TSPAN9: variants seen among roughly 807,000 people sequenced by gnomAD.
The protein encoded by TSPAN9 is tetraspanin 9.
A neutral mutation model predicts 31.0 loss-of-function variants in TSPAN9; 16 were observed. That is an observed-to-expected ratio of 0.52 (90% CI 0.35 to 0.78). The LOEUF (loss-of-function observed/expected upper bound fraction) is 0.78, where lower values mean the gene tolerates loss of function less well. Among genes scored for constraint, TSPAN9 ranks in the 30% least tolerant of loss-of-function variants. The pLI, the probability that TSPAN9 is intolerant of heterozygous loss-of-function variation, is 0.01. For missense variants in TSPAN9, 272 were observed against 312.5 expected (o/e 0.87, Z 0.98); for synonymous variants, 145 against 121.6 (o/e 1.19, Z -1.27).
At chr12:3,091,988 T>G (rs10848795) in intron 2 of TSPAN9, among the ~76,000 whole-genome samples, 15,849 of 152,172 alleles carry the variant, frequency 0.1, 909 homozygotes, top group Middle Eastern at 0.14. Flanking sequence ...GCTCACAGGT[T>G]TTATATTAAT....
At chr12:3,136,773 C>T (rs907683907) in intron 2 of TSPAN9, among the ~76,000 whole-genome samples, 3 of 152,016 alleles carry the variant, frequency 2.0e-5, no homozygotes, top group Non-Finnish European at 4.4e-5. Context: ...AGAGAGTGTG[C>T]GAGAATGAGG....
Position 3,283,253 on chromosome 12 carries a change from T to C in TSPAN9, c.*137T>C. ...ACAGCCTGCCCTACCCCACCTACCC[T>C]GCCTCAGCCTCGGACTTCTCAGTGG... On this transcript the variant is annotated 3_prime_UTR_variant, in exon 9 of 9. Transcript: ENST00000011898. 1 of 843,594 alleles carries C rather than the reference T, an allele frequency of 1.2e-6. No homozygotes were observed. Among genetic ancestry groups the C allele is most frequent in the South Asian group, 1.9e-5 (1 of 51,768 alleles). The allele number at this position is 843,594 out of a possible 1,614,324, so 52.3% of individuals were successfully genotyped here. A position where few individuals can be genotyped will look rare whatever the true frequency, so the allele number is the denominator to read the frequency against.
At chr12:3,221,505 C>T (rs2098384581) in intron 3 of TSPAN9, among the ~76,000 whole-genome samples, 1 of 151,682 alleles carries the variant, frequency 6.6e-6, no homozygotes, top group South Asian at 2.1e-4. Context: ...ATTACAGGTG[C>T]ATGCCACCAA....
intron 2 of TSPAN9, among the ~76,000 whole-genome samples, chr12:3,142,589 C>T (rs1359188148): frequency 6.6e-6 from 1 of 152,170 alleles, no homozygotes. Flanking sequence ...CGAGGCTCAG[C>T]AAGCCGCCTG....
At chr12:3,097,716 T>C (rs1450248555) in intron 2 of TSPAN9, among the ~76,000 whole-genome samples, 2 of 152,232 alleles carry the variant, frequency 1.3e-5, no homozygotes, top group African/African-American at 4.8e-5. Context: ...TCCATGCCTC[T>C]GGGGGAGTTG....
At chr12:3,189,772 T>A (rs7970802) in intron 2 of TSPAN9, among the ~76,000 whole-genome samples, 149,703 of 152,216 alleles carry the variant, frequency 0.98, 73,674 homozygotes, top group Middle Eastern at 1. Context: ...GCCCCATAGC[T>A]ATGGGCCAGC....
At chr12:3,140,210 G>T (rs1208249826) in intron 2 of TSPAN9, among the ~76,000 whole-genome samples, 6 of 152,168 alleles carry the variant, frequency 3.9e-5, no homozygotes, top group Non-Finnish European at 8.8e-5. Flanking sequence ...TAATGCTGTA[G>T]CGGTTGACCT....
chr12:3,233,910 A>G (rs928264553), intron 3 of TSPAN9, among the ~76,000 whole-genome samples: 1 of 152,176 alleles, frequency 6.6e-6, no homozygotes, highest in Non-Finnish European at 1.5e-5. Context: ...AGGTCTCTGC[A>G]GGGAATATTT....
At chr12:3,109,225 C>G (rs138537745) in intron 2 of TSPAN9, among the ~76,000 whole-genome samples, 3 of 149,558 alleles carry the variant, frequency 2.0e-5, no homozygotes, top group Non-Finnish European at 3.0e-5. Flanking sequence ...TGTGAGCCAC[C>G]GCTCCTGGCC....
intron 2 of TSPAN9, among the ~76,000 whole-genome samples, chr12:3,102,262 T>C (rs1312448815): frequency 6.6e-6 from 1 of 152,078 alleles, no homozygotes; most frequent in African/African-American, 2.4e-5. Flanking sequence ...TAGCTGGGAC[T>C]GCAAGCTCAT....
At chr12:3,206,369 T>C (rs1419250318) in intron 3 of TSPAN9, 3 of 456,038 alleles carry the variant, frequency 6.6e-6, no homozygotes, top group South Asian at 4.6e-5. Context: ...CGGGAGGTCA[T>C]CTGGCTCGTC....
chr12:3,123,422 C>T (rs1023173682), intron 2 of TSPAN9, among the ~76,000 whole-genome samples: 11 of 152,140 alleles, frequency 7.2e-5, no homozygotes, highest in Non-Finnish European at 1.5e-4. Context: ...GCCCGCCTGC[C>T]GTCCCAAGCC....
chr12:3,226,936 G>A (rs762984092), intron 3 of TSPAN9, among the ~76,000 whole-genome samples: 5 of 149,896 alleles, frequency 3.3e-5, no homozygotes, highest in African/African-American at 4.9e-5. Context: ...CAAGAAGCCC[G>A]AAGGGTTTCC....
chr12:3,158,162 G>A (rs1412286056), intron 2 of TSPAN9, among the ~76,000 whole-genome samples: 2 of 152,166 alleles, frequency 1.3e-5, no homozygotes, highest in Admixed American at 1.3e-4. Context: ...GGAGCACAGG[G>A]CTTCCTGCTT....
At chr12:3,079,690 G>C (rs1306737693) in intron 1 of TSPAN9, among the ~76,000 whole-genome samples, 10 of 151,974 alleles carry the variant, frequency 6.6e-5, no homozygotes, top group African/African-American at 2.4e-4. Flanking sequence ...TCAAACTCCT[G>C]ACCTCAGGTG....
In TSPAN9 at chr12:3,109,227, C is replaced by T. The variant is rs574310929; in HGVS notation, c.-18+25508C>T. ...CTGGGATTACAGGTGTGAGCCACCG[C>T]TCCTGGCCAGGAGGAAGGATTCTTT... On this transcript the variant is annotated intron_variant, in intron 2 of 8. Coordinates refer to ENST00000011898, the MANE Select transcript of TSPAN9 (RefSeq NM_006675.5). Among the ~76,000 whole-genome samples the T allele has an allele frequency of 3.3e-3, 493 of 149,826 alleles. 5 individuals carry two copies. The highest frequency in any genetic ancestry group is 0.012 in the African/African-American group (465 of 40,418).
At chr12:3,183,107 G>A (rs565028724) in intron 2 of TSPAN9, among the ~76,000 whole-genome samples, 1 of 152,206 alleles carries the variant, frequency 6.6e-6, no homozygotes, top group South Asian at 2.1e-4. Context: ...AGGAGCACCC[G>A]CGGTGGCCAA....
chr12:3,233,784 C>A (rs901179763), intron 3 of TSPAN9, among the ~76,000 whole-genome samples: 1 of 152,318 alleles, frequency 6.6e-6, no homozygotes, highest in African/African-American at 2.4e-5. Context: ...TCCTGCATCA[C>A]GGGGCAAGGA....
chr12:3,136,901 G>A (rs2098332415), intron 2 of TSPAN9, among the ~76,000 whole-genome samples: 1 of 152,198 alleles, frequency 6.6e-6, no homozygotes, highest in African/African-American at 2.4e-5. Flanking sequence ...AGCCCCCACT[G>A]TGCACTGTGG....
Sources: gnomAD v4.1 joint callset for allele counts (sites outside exome capture counted in the v4.1 genomes callset) on GRCh38, gnomAD v4.1.1 for gene constraint, MANE v1.5 for transcripts, NCBI Gene and HGNC (gene_info 2026-07-23, HGNC 2026-07-21) for gene names.